Variants in SPDYE10 observed in about 807,000 individuals in gnomAD.
SPDYE10 encodes the protein speedy/RINGO cell cycle regulator family member E10, also known as speedy protein E10.
At chr7:73,127,448 G>C in the SPDYE10 span, among the ~76,000 whole-genome samples, 1 of 112,800 alleles carries the variant, frequency 8.9e-6, no homozygotes, top group Non-Finnish European at 1.9e-5. Context: ...AATCCCAGCT[G>C]CTTGGGAGGC....
chr7:73,135,365 C>A, the SPDYE10 span, among the ~76,000 whole-genome samples: 33 of 151,716 alleles, frequency 2.2e-4, no homozygotes, highest in African/African-American at 7.5e-4. Context: ...ACAAAGGGAG[C>A]CTGCCCTTAA....
chr7:73,113,949 C>T, the SPDYE10 span, among the ~76,000 whole-genome samples: 3 of 151,718 alleles, frequency 2.0e-5, no homozygotes, highest in African/African-American at 7.3e-5. Context: ...TGGCGTGAAC[C>T]CAGGAGGCGG....
chr7:73,127,776 T>C, the SPDYE10 span, among the ~76,000 whole-genome samples: 1 of 108,554 alleles, frequency 9.2e-6, no homozygotes, highest in Non-Finnish European at 1.9e-5. Context: ...AGCAACAATA[T>C]ATCATTTTAC....
the SPDYE10 span, among the ~76,000 whole-genome samples, chr7:73,132,458 G>A: frequency 6.6e-6 from 1 of 152,168 alleles, no homozygotes; most frequent in Admixed American, 6.5e-5. Flanking sequence ...GAGGCAGCAG[G>A]ATCCCTTGAA....
At chr7:73,151,571 A>C in the SPDYE10 span, among the ~76,000 whole-genome samples, 1 of 11,166 alleles carries the variant, frequency 9.0e-5, no homozygotes, top group Non-Finnish European at 1.8e-4. Flanking sequence ...AAAAAAAAAA[A>C]CAATAATAGT....
the SPDYE10 span, among the ~76,000 whole-genome samples, chr7:73,151,992 T>TTTA: frequency 6.6e-6 from 1 of 151,714 alleles, no homozygotes; most frequent in African/African-American, 2.4e-5. Flanking sequence ...CCTGCTTTTT[T>TTTA]TTATTGTTGT....
At chr7:73,150,945 TATA>T in the SPDYE10 span, among the ~76,000 whole-genome samples, 31 of 14,142 alleles carry the variant, frequency 2.2e-3, no homozygotes, top group Admixed American at 3.9e-3. Flanking sequence ...TATATATATA[TATA>T]TTTTTTTTTT....
chr7:73,123,915 G>A, the SPDYE10 span, among the ~76,000 whole-genome samples: 4 of 151,288 alleles, frequency 2.6e-5, no homozygotes, highest in South Asian at 2.1e-4. Context: ...ACACAACCAC[G>A]TCCAGCTAAT....
chr7:73,135,051 C>G, the SPDYE10 span, among the ~76,000 whole-genome samples: 955 of 152,026 alleles, frequency 6.3e-3, no homozygotes, highest in African/African-American at 0.021. Context: ...GAGCTGTCAT[C>G]CTCACCATGG....
chr7:73,145,964 T>G, the SPDYE10 span, among the ~76,000 whole-genome samples: 1 of 26,110 alleles, frequency 3.8e-5, no homozygotes, highest in Non-Finnish European at 7.6e-5. Context: ...TTTTTTTTTT[T>G]GAGACAGAGT....
At chr7:73,114,928 A>G in the SPDYE10 span, among the ~76,000 whole-genome samples, 2 of 139,292 alleles carry the variant, frequency 1.4e-5, no homozygotes, top group African/African-American at 2.7e-5. Flanking sequence ...TTTTTTTGAG[A>G]CGGAGTCTCG....
At chr7:73,149,711 C>T in the SPDYE10 span, among the ~76,000 whole-genome samples, 1 of 143,516 alleles carries the variant, frequency 7.0e-6, no homozygotes, top group African/African-American at 2.6e-5. Flanking sequence ...TGGTCTCGTT[C>T]ACATCTTAGC....
chr7:73,143,885 CAG>C, the SPDYE10 span, among the ~76,000 whole-genome samples: 11 of 149,170 alleles, frequency 7.4e-5, no homozygotes, highest in South Asian at 8.5e-4. Context: ...TCAGTAGAGA[CAG>C]AGTTTCACCA....
the SPDYE10 span, chr7:73,111,233 AGCCTC>A: frequency 7.2e-7 from 1 of 1,379,340 alleles, no homozygotes; most frequent in Non-Finnish European, 9.7e-7. Flanking sequence ...CATCCTCCCC[AGCCTC>A]GCAGACTGCT....
At chr7:73,144,187 C>T in the SPDYE10 span, among the ~76,000 whole-genome samples, 2 of 147,606 alleles carry the variant, frequency 1.4e-5, no homozygotes, top group African/African-American at 5.2e-5. Context: ...ATGTGGCTTC[C>T]AGCTGACTTT....
the SPDYE10 span, among the ~76,000 whole-genome samples, chr7:73,139,590 A>G: frequency 6.8e-6 from 1 of 147,278 alleles, no homozygotes; most frequent in Non-Finnish European, 1.5e-5. Flanking sequence ...CAAAGTGCTG[A>G]GATTACAGGC....
chr7:73,134,551 A>AAGAAAGAAAGAG, the SPDYE10 span, among the ~76,000 whole-genome samples: 1 of 152,122 alleles, frequency 6.6e-6, no homozygotes, highest in Admixed American at 6.5e-5. Context: ...GAAAGAAAGA[A>AAGAAAGAAAGAG]AGAAAGAAAG....
chr7:73,135,066 T>C, the SPDYE10 span, among the ~76,000 whole-genome samples: 1 of 152,294 alleles, frequency 6.6e-6, no homozygotes, highest in Non-Finnish European at 1.5e-5. Context: ...CCATGGTGCC[T>C]AGTGTTCCCT....
the SPDYE10 span, among the ~76,000 whole-genome samples, chr7:73,141,245 A>C: frequency 6.6e-6 from 1 of 152,260 alleles, no homozygotes; most frequent in Non-Finnish European, 1.5e-5. Flanking sequence ...TAAACTGGCC[A>C]AGTGTGATGG....
Sources: allele counts gnomAD v4.1 joint callset (sites outside exome capture counted in the v4.1 genomes callset), GRCh38; gene constraint gnomAD v4.1.1; transcripts MANE v1.5; gene names NCBI Gene and HGNC (gene_info 2026-07-23, HGNC 2026-07-21).